The following CIT variants were observed in gnomAD, a reference collection of about 807,000 sequenced individuals.
CIT encodes the protein citron rho-interacting serine/threonine kinase.
A neutral mutation model predicts 272.7 loss-of-function variants in CIT; 79 were observed. The observed-to-expected ratio is 0.29, with a 90% confidence interval of 0.24 to 0.35. The LOEUF is 0.35. Among genes scored for constraint, CIT ranks in the 10% least tolerant of loss-of-function variants. The probability of loss-of-function intolerance (pLI) is 1.00; values close to 1 mark genes in which losing one functional copy is unlikely to be tolerated. For missense variants in CIT, 1,909 were observed against 2,618.3 expected (o/e 0.73, Z 5.91); for synonymous variants, 948 against 995.6 (o/e 0.95, Z 0.90).
rs772677725 is a variant in CIT at position 119,712,651 on chromosome 12, C to A, written c.4624G>T (p.Gly1542Trp). The A allele has an allele frequency of 6.2e-7, 1 of 1,614,026 alleles. No individual in the cohort carries two copies. The highest frequency in any genetic ancestry group is 1.3e-5 in the African/African-American group (1 of 74,906). The change falls in exon 36 of 48, where the codon GGG becomes TGG. Residue 1542 changes from glycine (G) to tryptophan (W), a missense_variant. Transcript: ENST00000392521. The surrounding 1 kb of genome is among the most constrained non-coding windows in gnomAD (Gnocchi z 5.2). ...ACGGCACCATGAATAGATACATCCC[C>A]GTCGGGAAGGCACAGCTCAAATTCT... The part of the protein sequence containing the change: ...VEEFELCLPD[G>W]DVSIHGAVGA...
chr12:119,712,050 A>G lies in CIT; in HGVS notation c.4854+128T>C. 1.1e-6 allele frequency: 1 copy of G among 881,682 alleles called. No individual in the cohort carries two copies. The highest frequency in any genetic ancestry group is 1.8e-6 in the Non-Finnish European group (1 of 570,374). The allele number at this position is 881,682 out of a possible 1,614,324, so 54.6% of individuals were successfully genotyped here. A position where few individuals can be genotyped will look rare whatever the true frequency, so the allele number is the denominator to read the frequency against. On this transcript the variant is annotated intron_variant, in intron 37 of 47. Coordinates refer to ENST00000392521, the MANE Select transcript of CIT (RefSeq NM_001206999.2). This position sits in a 1 kb window ranked among gnomAD's most constrained non-coding sequence, Gnocchi z 5.2. ...GACTCCTGGCCATGACACAGTCTAG[A>G]GCCATCAGCCCTCAGAGAGAGAGCC... is the stretch of plus-strand genomic sequence containing the variant.
At chr12:119,721,592 T>A in intron 28 of CIT, 143 bp from the exon 29 acceptor site, 1 of 796,792 alleles carries the variant, frequency 1.3e-6, no homozygotes, top group Non-Finnish European at 1.9e-6. Flanking sequence ...TTACCAATTG[T>A]CATCTATTCC....
chr12:119,853,453 T>TTTTGTTTTGC (rs1970369145), intron 4 of CIT, among the ~76,000 whole-genome samples: 1 of 152,170 alleles, frequency 6.6e-6, no homozygotes, highest in South Asian at 2.1e-4. Context: ...TTTTGTTTTG[T>TTTTGTTTTGC]TTTGTTTTAG....
chr12:119,740,366 C>G (rs1473465079), intron 24 of CIT, among the ~76,000 whole-genome samples: 2 of 152,070 alleles, frequency 1.3e-5, no homozygotes, highest in African/African-American at 2.4e-5. Context: ...TTTTGAGGGT[C>G]ATGAATACAA....
Position 119,783,926 on chromosome 12 carries a change from G to C in CIT, c.1527C>G (p.Thr509=). The change falls in exon 12 of 48, where the codon ACC becomes ACG. Residue 509 remains threonine, a synonymous_variant. Transcript: ENST00000392521. The part of the protein sequence containing the change: ...QRSLLEQDLA[T]YITECSSLKR... The stretch of plus-strand genomic sequence containing the variant: ...GGCTCACACTGCATTCTGTGATGTA[G>C]GTAGCAAGGTCCTGCTCCAGGAGGG... 6.2e-7 allele frequency: 1 copy of C among 1,600,514 alleles called. No homozygotes were observed. Among genetic ancestry groups the C allele is most frequent in the Non-Finnish European group, 8.5e-7 (1 of 1,174,398 alleles).
At chr12:119,745,090 T>C (rs1959193764) in intron 23 of CIT, among the ~76,000 whole-genome samples, 1 of 150,616 alleles carries the variant, frequency 6.6e-6, no homozygotes, top group Non-Finnish European at 1.5e-5. Context: ...ATGAAAGCCA[T>C]AAACCCACAG....
At chr12:119,786,947 C>A (rs1183554760) in intron 10 of CIT, among the ~76,000 whole-genome samples, 1 of 152,136 alleles carries the variant, frequency 6.6e-6, no homozygotes, top group Admixed American at 6.5e-5. Flanking sequence ...CACAGCAATA[C>A]CCTGTCTCTA....
At chr12:119,706,045 GTGCCGC>G (rs1956862739) in intron 40 of CIT, among the ~76,000 whole-genome samples, 1 of 149,750 alleles carries the variant, frequency 6.7e-6, no homozygotes, top group Non-Finnish European at 1.5e-5. Flanking sequence ...AGCCAAGATC[GTGCCGC>G]TGTGCTCCAG....
chr12:119,862,830 A>AG, intron 3 of CIT, among the ~76,000 whole-genome samples: 1 of 137,800 alleles, frequency 7.3e-6, no homozygotes, highest in Non-Finnish European at 1.5e-5. Context: ...AAAAAAAAAA[A>AG]AAAAAAAAAA....
chr12:119,795,671 T>C (rs1428600687), intron 10 of CIT, among the ~76,000 whole-genome samples: 1 of 152,208 alleles, frequency 6.6e-6, no homozygotes, highest in East Asian at 1.9e-4. Flanking sequence ...GCAGGGTAGA[T>C]AGTACAGTGG....
In CIT at chr12:119,701,606, G is replaced by A. The variant is rs761584754; in HGVS notation, c.5542+18C>T. The A allele has an allele frequency of 2.5e-6, 4 of 1,611,188 alleles. No individual in the cohort carries two copies. The highest frequency in any genetic ancestry group is 1.3e-5 in the African/African-American group (1 of 74,992). ...TCCATGAGGACCCAAAAGGGCAGTG[G>A]GCGCAGCCACGACTCACCGTGGAAA... On this transcript the variant is annotated intron_variant, in intron 43 of 47. Coordinates refer to ENST00000392521, the MANE Select transcript of CIT (RefSeq NM_001206999.2).
chr12:119,832,188 T>C (rs1193296975), intron 7 of CIT, among the ~76,000 whole-genome samples: 1 of 152,236 alleles, frequency 6.6e-6, no homozygotes, highest in African/African-American at 2.4e-5. Flanking sequence ...TTTTAAACTC[T>C]AATCTTTTTT....
chr12:119,710,896 C>T lies in CIT; in HGVS notation c.4855-276G>A, dbSNP rs1012797692. The T allele has an allele frequency of 3.1e-6, 2 of 638,792 alleles. No homozygotes were observed. The highest frequency in any genetic ancestry group is 2.5e-6 in the Non-Finnish European group (1 of 396,834). The allele number at this position is 638,792 out of a possible 1,614,324, so 39.6% of individuals were successfully genotyped here. A position where few individuals can be genotyped will look rare whatever the true frequency, so the allele number is the denominator to read the frequency against. ...AAGGGAGGGTAGTAGACATGGAAAG[C>T]TATTCTGTAATAAGAAATAAGCTGA... On this transcript the variant is annotated intron_variant, in intron 37 of 47. Transcript: ENST00000392521. The surrounding 1 kb of genome is among the most constrained non-coding windows in gnomAD (Gnocchi z 5.6).
Position 119,706,637 on chromosome 12 carries a change from C to T in CIT, c.5211+1542G>A, listed in dbSNP as rs527277928. Among the ~76,000 whole-genome samples the T allele has an allele frequency of 9.8e-5, 15 of 152,344 alleles. 1 individual carries two copies. In the South Asian group the frequency reaches 1.9e-3, roughly 19 times the overall value. Reference sequence around the variant, plus strand: ...ATGATCTCATTCTTTTTTAGAGCTGCATAATATTCCATGGTGTATATGTAC... The same window carrying T: ...ATGATCTCATTCTTTTTTAGAGCTGTATAATATTCCATGGTGTATATGTAC... On this transcript the variant is annotated intron_variant, in intron 40 of 47. Transcript: ENST00000392521.
intron 29 of CIT, among the ~76,000 whole-genome samples, 181 bp downstream of exon 29, chr12:119,721,128 G>A (rs1957798349): frequency 6.6e-6 from 1 of 152,080 alleles, no homozygotes; most frequent in Non-Finnish European, 1.5e-5. Context: ...CACCACGCCA[G>A]GCTAATTTTT....
intron 23 of CIT, among the ~76,000 whole-genome samples, chr12:119,747,387 C>A (rs1959582719): frequency 6.8e-6 from 1 of 146,138 alleles, no homozygotes; most frequent in South Asian, 2.1e-4. Context: ...TGCCATTGCA[C>A]TCCAGCCTGG....
intron 10 of CIT, among the ~76,000 whole-genome samples, chr12:119,793,479 T>A (rs928478878): frequency 6.6e-6 from 1 of 152,232 alleles, no homozygotes; most frequent in Non-Finnish European, 1.5e-5. Flanking sequence ...AAGACCCAGA[T>A]ATTCCATGAC....
At chr12:119,736,706 T>C (rs539297593) in intron 24 of CIT, among the ~76,000 whole-genome samples, 2 of 152,368 alleles carry the variant, frequency 1.3e-5, no homozygotes, top group Non-Finnish European at 1.5e-5. Flanking sequence ...CAGACACTTA[T>C]GACTTGCAGG....
At chr12:119,783,364 A>G (rs910688524) in intron 12 of CIT, 1 of 152,334 alleles carries the variant, frequency 6.6e-6, no homozygotes, top group African/African-American at 2.4e-5. Context: ...TGAATGAAAA[A>G]TTTAACAAGA....
Sources: allele counts gnomAD v4.1 joint callset (sites outside exome capture counted in the v4.1 genomes callset), GRCh38; gene constraint gnomAD v4.1.1; non-coding constraint Gnocchi (gnomAD v3.1); transcripts MANE v1.5; gene names NCBI Gene and HGNC (gene_info 2026-07-23, HGNC 2026-07-21).